KATNA1: variants seen among roughly 807,000 people sequenced by gnomAD.
The protein encoded by KATNA1 is katanin p60 ATPase-containing subunit A1.
KATNA1 carries 42 observed loss-of-function variants against 62.6 expected under a neutral mutation model. The observed-to-expected ratio is 0.67, with a 90% confidence interval of 0.52 to 0.87. The LOEUF (loss-of-function observed/expected upper bound fraction) is 0.87, where lower values mean the gene tolerates loss of function less well. KATNA1 is among the 40% of genes least tolerant of loss of function. KATNA1 has a pLI of 0.00. For synonymous variants in KATNA1, 186 were observed against 201.9 expected, an observed-to-expected ratio of 0.92 and a Z score of 0.67; for missense variants, 498 against 612.5, an observed-to-expected ratio of 0.81 and a Z score of 1.97.
chr6:149,631,004 G>C (rs1413764437), intron 3 of KATNA1, among the ~76,000 whole-genome samples: 2 of 152,156 alleles, frequency 1.3e-5, no homozygotes, highest in Admixed American at 6.6e-5. Context: ...CTGAAATACA[G>C]GGAAAATATG....
rs147037456 is a variant in KATNA1 at position 149,602,260 on chromosome 6, G to A, written c.730-508C>T. 3.6e-3 allele frequency among the ~76,000 whole-genome samples: 543 copies of A among 152,244 alleles called. 3 individuals carry two copies. The highest frequency in any genetic ancestry group is 0.012 in the African/African-American group (519 of 41,542). Reference sequence around the variant, plus strand: ...TACATGCCTGTAATCCCAGCTACTCGGGAGGCTGAGGCAGCGGAATCAATT... The same window carrying A: ...TACATGCCTGTAATCCCAGCTACTCAGGAGGCTGAGGCAGCGGAATCAATT... On this transcript the variant is annotated intron_variant, in intron 6 of 10. Transcript: ENST00000367411.
At chr6:149,611,192 G>A (rs1405624249) in intron 4 of KATNA1, among the ~76,000 whole-genome samples, 1 of 152,166 alleles carries the variant, frequency 6.6e-6, no homozygotes, top group African/African-American at 2.4e-5. Flanking sequence ...CAGGTGCAGT[G>A]GCTCACGCCT....
Position 149,597,066 on chromosome 6 carries a change from C to T in KATNA1, c.1274G>A (p.Cys425Tyr). Residue 425 changes from cysteine (C) to tyrosine (Y), a missense_variant, in exon 10 of 11, where the codon TGC (cysteine) becomes TAC (tyrosine). By Grantham distance (194) the Cys-to-Tyr change is radical. This residue lies in a region of KATNA1 where 267 missense variants were observed against 372.6 expected (regional missense o/e 0.72). Transcript: ENST00000367411. ...ATGCTTCCATGATAATTCATACCTG[C>T]ACACGTTGGTAATGTCCGCACCTGA... ...GYSGADITNVCRDASLMAMRR... is the reference protein window; with the variant it reads ...GYSGADITNVYRDASLMAMRR... 1.2e-6 allele frequency: 2 copies of T among 1,613,752 alleles called. No individual in the cohort carries two copies.
At chr6:149,627,332 C>A (rs1386779432) in intron 3 of KATNA1, among the ~76,000 whole-genome samples, 1 of 151,746 alleles carries the variant, frequency 6.6e-6, no homozygotes, top group East Asian at 1.9e-4. Context: ...AGTTCAAGAC[C>A]AGGCGGACAG....
At chr6:149,622,240 C>G (rs527814215) in intron 4 of KATNA1, among the ~76,000 whole-genome samples, 2 of 151,922 alleles carry the variant, frequency 1.3e-5, no homozygotes, top group South Asian at 4.2e-4. Flanking sequence ...TCACGCCATT[C>G]TCCTGCCTCA....
At chr6:149,633,774 C>T (rs1779948019) in intron 2 of KATNA1, among the ~76,000 whole-genome samples, 1 of 151,480 alleles carries the variant, frequency 6.6e-6, no homozygotes, top group South Asian at 2.1e-4. Context: ...CTAACTAAAT[C>T]ATACTACTAA....
chr6:149,647,925 A>G (rs1780551339), intron 1 of KATNA1, among the ~76,000 whole-genome samples: 1 of 152,218 alleles, frequency 6.6e-6, no homozygotes, highest in Non-Finnish European at 1.5e-5. Context: ...TTGTCATCAC[A>G]TTTGTATGAA....
chr6:149,611,494 G>GA (rs1051871439), intron 4 of KATNA1, among the ~76,000 whole-genome samples: 11 of 138,332 alleles, frequency 8.0e-5, no homozygotes, highest in African/African-American at 2.4e-4. Flanking sequence ...AAAGAAAAAA[G>GA]AAAAAAAAAG....
chr6:149,625,336 G>T (rs2064521), intron 3 of KATNA1, among the ~76,000 whole-genome samples: 69,983 of 152,020 alleles, frequency 0.46, 17,407 homozygotes, highest in East Asian at 0.81. Context: ...AGACACTCTA[G>T]TAGTAAAGAC....
At chr6:149,599,599 C>T (rs956900614) in intron 7 of KATNA1, among the ~76,000 whole-genome samples, 1 of 151,982 alleles carries the variant, frequency 6.6e-6, no homozygotes, top group African/African-American at 2.4e-5. Context: ...CTCTCTGTAA[C>T]CTCTGCCACC....
In KATNA1 at chr6:149,598,286, C is replaced by A. The variant is rs762414634; in HGVS notation, c.953G>T (p.Gly318Val). The part of the protein sequence containing the change: ...DEIDSICSRR[G>V]TSEEHEASRR... The stretch of plus-strand genomic sequence containing the variant: ...GCTTGCTTCATGTTCTTCAGAAGTC[C>A]CTCGGCGACTACAGATGGAGTCTAT... The change falls in exon 8 of 11, where the codon GGG becomes GTG. Residue 318 changes from glycine (G) to valine (V), a missense_variant. Physicochemically the swap from Gly to Val is moderately radical, Grantham distance 109 (BLOSUM62 -3). This residue lies in a region of KATNA1 where 267 missense variants were observed against 372.6 expected (regional missense o/e 0.72). Coordinates refer to ENST00000367411, the MANE Select transcript of KATNA1 (RefSeq NM_007044.4). 1 of 1,613,770 alleles carries A rather than the reference C, an allele frequency of 6.2e-7. No individual in the cohort carries two copies. Among genetic ancestry groups the A allele is most frequent in the Non-Finnish European group, 8.5e-7 (1 of 1,179,840 alleles).
Position 149,626,355 on chromosome 6 carries a change from C to T in KATNA1, c.321-3072G>A, listed in dbSNP as rs548769394. On this transcript the variant is annotated intron_variant, in intron 3 of 10. Transcript: ENST00000367411. The stretch of plus-strand genomic sequence containing the variant: ...TGTCGCCCAGGCGGGAGTGCTGTGG[C>T]GCGATCTCCGCTCACTGCAAGCTCC... Among the ~76,000 whole-genome samples the T allele has an allele frequency of 6.7e-3, 810 of 121,030 alleles. 3 individuals are homozygous for T. Among genetic ancestry groups the T allele is most frequent in the Middle Eastern group, 0.049 (8 of 164 alleles). The allele number at this position is 121,030 out of a possible 152,430, so 79.4% of individuals were successfully genotyped here. A position where few individuals can be genotyped will look rare whatever the true frequency, so the allele number is the denominator to read the frequency against.
chr6:149,633,730 C>T (rs1336528319), intron 2 of KATNA1, among the ~76,000 whole-genome samples: 2 of 149,186 alleles, frequency 1.3e-5, no homozygotes, highest in East Asian at 4.0e-4. Flanking sequence ...AAGAATCTGT[C>T]TCAAAAAAAT....
chr6:149,636,946 T>C (rs1279955606), intron 2 of KATNA1, among the ~76,000 whole-genome samples: 3 of 151,350 alleles, frequency 2.0e-5, no homozygotes, highest in Non-Finnish European at 2.9e-5. Flanking sequence ...CCCGCAAGAC[T>C]TATTTTCTTA....
At chr6:149,605,228 C>CG (rs1778692937) in intron 4 of KATNA1, among the ~76,000 whole-genome samples, 1 of 151,254 alleles carries the variant, frequency 6.6e-6, no homozygotes, top group Non-Finnish European at 1.5e-5. Context: ...ACCAAAGACT[C>CG]TAAGTCATCC....
Position 149,603,282 on chromosome 6 carries a change from T to C in KATNA1, c.715A>G (p.Arg239Gly). 6.5e-7 allele frequency: 1 copy of C among 1,538,266 alleles called. No individual in the cohort carries two copies. The highest frequency in any genetic ancestry group is 8.9e-7 in the Non-Finnish European group (1 of 1,118,436). Residue 239 changes from arginine to glycine, a missense_variant, in exon 6 of 11, where the codon AGG becomes GGG. Physicochemically the swap from Arg to Gly is moderately radical, Grantham distance 125. Coordinates refer to ENST00000367411, the MANE Select transcript of KATNA1 (RefSeq NM_007044.4). ...MWMPEFFKGI[R>G]RPWKGVLMVG... ...AATAAACTTACTTTCCATGGTCTCC[T>C]AATGCCCTTAAAGAATTCGGGCATC...
intron 4 of KATNA1, among the ~76,000 whole-genome samples, chr6:149,615,130 C>A (rs1261292575): frequency 3.9e-5 from 3 of 77,720 alleles, no homozygotes; most frequent in Admixed American, 1.6e-4. Flanking sequence ...AAGACTCTGT[C>A]TCAAAAAAAA....
intron 1 of KATNA1, among the ~76,000 whole-genome samples, chr6:149,647,521 C>CAAAAAAAAAAAAAAAAAAAAAAAA (rs10719474): frequency 2.1e-5 from 1 of 46,858 alleles, no homozygotes; most frequent in Non-Finnish European, 4.1e-5. Flanking sequence ...GACTCCGTCT[C>CAAAAAAAAAAAAAAAAAAAAAAAA]AAAAAAAAAA....
intron 3 of KATNA1, among the ~76,000 whole-genome samples, chr6:149,629,300 G>C (rs923005657): frequency 2.0e-5 from 3 of 152,114 alleles, no homozygotes; most frequent in Non-Finnish European, 4.4e-5. Context: ...AATATTAGGA[G>C]TAAGGAAGTA....
Sources: allele counts gnomAD v4.1 joint callset (sites outside exome capture counted in the v4.1 genomes callset), GRCh38; gene constraint gnomAD v4.1.1; regional missense constraint gnomAD v4.1.1; transcripts MANE v1.5; gene names NCBI Gene and HGNC (gene_info 2026-07-23, HGNC 2026-07-21).